Variants in KIF13A observed in about 807,000 individuals in gnomAD.
The protein encoded by KIF13A is kinesin family member 13A.
KIF13A carries 79 observed loss-of-function variants against 212.2 expected under a neutral mutation model. The ratio of observed to expected loss-of-function variants is 0.37; its 90% confidence interval spans 0.31 to 0.45. The LOEUF (loss-of-function observed/expected upper bound fraction) is 0.45. Ranked by LOEUF, KIF13A falls within the 20% of genes least tolerant of loss-of-function variation. The pLI is 1.00. For synonymous variants in KIF13A, 789 were observed against 808.6 expected (o/e 0.98, Z 0.41); for missense variants, 1,901 against 2,209.0 (o/e 0.86, Z 2.79).
chr6:17,775,002 C>G lies in KIF13A; in HGVS notation c.4218+13G>C, dbSNP rs777933544. 3 of 1,605,604 alleles carry G rather than the reference C, an allele frequency of 1.9e-6. No individual in the cohort carries two copies. The highest frequency in any genetic ancestry group is 2.6e-6 in the Non-Finnish European group (3 of 1,175,056). ...ATTCTACTAAAAACCTAGCCATGCC[C>G]ATAGGTGCATACCTTGTCATCTTCA... On this transcript the variant is annotated intron_variant, in intron 35 of 38. Transcript: ENST00000259711.
In KIF13A at chr6:17,855,400, C is replaced by T. The variant is rs779027320; in HGVS notation, c.494+37G>A. ...CTTTAGAATCATTTAAAATTATCTC[C>T]CCCTATTAACACACTTAATCTTGAC... On this transcript the variant is annotated intron_variant, in intron 6 of 38. Transcript: ENST00000259711. This position sits in a 1 kb window ranked among gnomAD's most constrained non-coding sequence, Gnocchi z 4.1. 2.1e-6 allele frequency: 3 copies of T among 1,437,178 alleles called. No homozygotes were observed. The highest frequency in any genetic ancestry group is 2.9e-6 in the Non-Finnish European group (3 of 1,049,964). The allele number at this position is 1,437,178 out of a possible 1,614,324, so 89.0% of individuals were successfully genotyped here. A position where few individuals can be genotyped will look rare whatever the true frequency, so the allele number is the denominator to read the frequency against.
Position 17,775,042 on chromosome 6 carries a change from G to T in KIF13A, c.4191C>A (p.Asp1397Glu), listed in dbSNP as rs767024112. ...TGTCATCTTCATCAAAGCCAGAAAG[G>T]TCCGGTCGGCTGGAAGAGACCTATA... ...NVHNVSSSRP[D>E]LSGFDEDDKG... The change falls in exon 35 of 39, where the codon GAC (aspartate) becomes GAA (glutamate). Residue 1397 changes from aspartate (D) to glutamate (E), a missense_variant. Asp to Glu is a conservative substitution (Grantham distance 45). Coordinates refer to ENST00000259711, the MANE Select transcript of KIF13A (RefSeq NM_022113.6). 5.0e-6 allele frequency: 8 copies of T among 1,612,158 alleles called. No homozygotes were observed. In the Middle Eastern group the frequency reaches 8.3e-4, roughly 166 times the overall value.
At chr6:17,959,976 C>T (rs531058368) in intron 2 of KIF13A, among the ~76,000 whole-genome samples, 14 of 151,568 alleles carry the variant, frequency 9.2e-5, no homozygotes, top group African/African-American at 1.7e-4. Context: ...GAGCCGAGAT[C>T]GCGCCATTCC....
chr6:17,935,241 C>G (rs942706629), intron 2 of KIF13A, among the ~76,000 whole-genome samples: 2 of 152,120 alleles, frequency 1.3e-5, no homozygotes, highest in Non-Finnish European at 2.9e-5. Flanking sequence ...GAAACACTGT[C>G]CTTGGCAAAG....
intron 2 of KIF13A, among the ~76,000 whole-genome samples, chr6:17,940,049 A>T (rs1158677914): frequency 1.5e-4 from 2 of 13,478 alleles, no homozygotes; most frequent in Non-Finnish European, 5.0e-4. Flanking sequence ...CTCATAAATT[A>T]AAAAAAAAAA....
At chr6:17,803,968 C>G (rs1293339800) in intron 20 of KIF13A, among the ~76,000 whole-genome samples, 1 of 152,120 alleles carries the variant, frequency 6.6e-6, no homozygotes, top group African/African-American at 2.4e-5. Flanking sequence ...CTGGCTAACA[C>G]GGTGAAACCC....
At chr6:17,866,299 TGACAGG>T (rs1769364169) in intron 4 of KIF13A, among the ~76,000 whole-genome samples, 2 of 152,160 alleles carry the variant, frequency 1.3e-5, no homozygotes, top group South Asian at 4.1e-4. Context: ...AGAGAACTTC[TGACAGG>T]AGTGAGGGTA....
rs746147583 is a variant in KIF13A at position 17,815,571 on chromosome 6, T to C, written c.2000+1449A>G. 1.1e-3 allele frequency: 458 copies of C among 426,364 alleles called. 5 individuals carry two copies. Among genetic ancestry groups the C allele is most frequent in the Non-Finnish European group, 2.9e-4 (60 of 208,320 alleles). The allele number at this position is 426,364 out of a possible 1,614,324, so 26.4% of individuals were successfully genotyped here. ...AGTAACAGAGGGCTTACACTTGTCT[T>C]CTGGTCACTTCTCACTGTGTCCCTT... is the stretch of plus-strand genomic sequence containing the variant. On this transcript the variant is annotated intron_variant, in intron 17 of 38. Transcript: ENST00000259711.
chr6:17,780,173 G>A (rs913989344), intron 31 of KIF13A, among the ~76,000 whole-genome samples: 3 of 152,200 alleles, frequency 2.0e-5, no homozygotes, highest in East Asian at 1.9e-4. Context: ...GGATACTAAC[G>A]TCCAGCTGTT....
Position 17,817,230 on chromosome 6 carries a change from G to A in KIF13A, c.1790C>T (p.Pro597Leu), listed in dbSNP as rs771102186. Residue 597 changes from proline to leucine, a missense_variant, in exon 17 of 39, where the codon CCA (proline) becomes CTA (leucine). By Grantham distance (98) the Pro-to-Leu change is moderately conservative (BLOSUM62 -3). Around this residue, in one of 5 missense-constraint regions of KIF13A, gnomAD observed 534 missense variants for 536.9 expected, o/e 0.99. Coordinates refer to ENST00000259711, the MANE Select transcript of KIF13A (RefSeq NM_022113.6). Reference sequence around the variant, plus strand: ...CAGGACCTGAACCACATTTTGAACTGGGTCTAGTGAGCCAAGAGACAAGGC... The same window carrying A: ...CAGGACCTGAACCACATTTTGAACTAGGTCTAGTGAGCCAAGAGACAAGGC... ...VIMKTLNSNDPVQNVVQVLEK... is the reference protein window; with the variant it reads ...VIMKTLNSNDLVQNVVQVLEK... 6.2e-7 allele frequency: 1 copy of A among 1,613,914 alleles called. No homozygotes were observed. The highest frequency in any genetic ancestry group is 2.2e-5 in the East Asian group (1 of 44,888).
intron 2 of KIF13A, among the ~76,000 whole-genome samples, chr6:17,972,197 C>G (rs1199865563): frequency 6.6e-6 from 1 of 152,164 alleles, no homozygotes; most frequent in African/African-American, 2.4e-5. Flanking sequence ...TAAACCTTCC[C>G]CACTACTATC....
chr6:17,779,968 G>C (rs910748158), intron 31 of KIF13A, among the ~76,000 whole-genome samples: 1 of 150,742 alleles, frequency 6.6e-6, no homozygotes, highest in Non-Finnish European at 1.5e-5. Flanking sequence ...GGATGGTCTC[G>C]ATCTCCTGAC....
chr6:17,951,080 T>C lies in KIF13A; in HGVS notation c.146+35974A>G. Reference sequence around the variant, plus strand: ...CCTAAGGACACCTAAGGAATTGTACTTATTATATATAACACTTTGCCAACC... The same window carrying C: ...CCTAAGGACACCTAAGGAATTGTACCTATTATATATAACACTTTGCCAACC... On this transcript the variant is annotated intron_variant, in intron 2 of 38. Transcript: ENST00000259711. This position sits in a 1 kb window ranked among gnomAD's most constrained non-coding sequence, Gnocchi z 4.9. 1 of 1,097,216 alleles carries C rather than the reference T, an allele frequency of 9.1e-7. No homozygotes were observed. Among genetic ancestry groups the C allele is most frequent in the Non-Finnish European group, 1.1e-6 (1 of 904,258 alleles). 68.0% of individuals were successfully genotyped at this position (1,097,216 alleles called of 1,614,324 possible).
intron 22 of KIF13A, among the ~76,000 whole-genome samples, chr6:17,797,364 A>C (rs1450035505): frequency 6.6e-6 from 1 of 152,116 alleles, no homozygotes; most frequent in African/African-American, 2.4e-5. Context: ...GAAAATGAAG[A>C]AAGCAAATTG....
chr6:17,833,750 G>C (rs1046435423), intron 12 of KIF13A, among the ~76,000 whole-genome samples: 1 of 151,090 alleles, frequency 6.6e-6, no homozygotes, highest in Non-Finnish European at 1.5e-5. Flanking sequence ...CAGCTACTCG[G>C]GAGGCTACGG....
chr6:17,848,794 G>A (rs1767346908), intron 9 of KIF13A, among the ~76,000 whole-genome samples: 1 of 152,030 alleles, frequency 6.6e-6, no homozygotes, highest in South Asian at 2.1e-4. Context: ...ACCAGGTAGA[G>A]AAGGGGTTTT....
intron 4 of KIF13A, among the ~76,000 whole-genome samples, chr6:17,867,396 C>CT (rs1769508854): frequency 6.6e-6 from 1 of 152,202 alleles, no homozygotes; most frequent in Non-Finnish European, 1.5e-5. Flanking sequence ...TGAATCCCTA[C>CT]TTTAACAAAC....
intron 30 of KIF13A, 102 bp downstream of exon 30, chr6:17,781,075 C>T (rs183964311): frequency 2.8e-5 from 41 of 1,475,634 alleles, no homozygotes; most frequent in African/African-American, 7.0e-5. Flanking sequence ...TTAAAGTCCC[C>T]GGTCTTTTTC....
At chr6:17,862,792 T>C (rs151117986) in intron 4 of KIF13A, among the ~76,000 whole-genome samples, 2,710 of 151,638 alleles carry the variant, frequency 0.018, 92 homozygotes, top group African/African-American at 0.061. Flanking sequence ...ACTAAAAATA[T>C]AAAAAATTAG....
Sources: gnomAD v4.1 joint callset for allele counts (sites outside exome capture counted in the v4.1 genomes callset) on GRCh38, gnomAD v4.1.1 for gene constraint, gnomAD v4.1.1 regional missense constraint, Gnocchi (gnomAD v3.1) non-coding constraint, MANE v1.5 for transcripts, NCBI Gene and HGNC (gene_info 2026-07-23, HGNC 2026-07-21) for gene names.